The following RBFOX1 variants were observed in gnomAD, a reference collection of about 807,000 sequenced individuals.
RBFOX1 encodes the protein RNA binding fox-1 homolog 1.
In RBFOX1, 8 loss-of-function variants were observed where a neutral mutation model predicts 57.7. The observed-to-expected ratio is 0.14, with a 90% CI of 0.08 to 0.25. The LOEUF is 0.25. Ranked by LOEUF, RBFOX1 falls within the 10% of genes least tolerant of loss-of-function variation. The probability of loss-of-function intolerance (pLI) is 1.00; values close to 1 mark genes in which losing one functional copy is unlikely to be tolerated. For synonymous variants in RBFOX1, 326 were observed against 222.4 expected (o/e 1.47, Z -4.15); for missense variants, 611 against 548.5 (o/e 1.11, Z -1.14).
At chr16:5,576,229 C>T (rs768290791) in intron 2 of RBFOX1, among the ~76,000 whole-genome samples, 32 of 152,144 alleles carry the variant, frequency 2.1e-4, no homozygotes, top group Admixed American at 6.5e-5. Flanking sequence ...TCAAGTGATC[C>T]AGGCTGGAGT....
chr16:7,576,147 A>G (rs1200965208), intron 5 of RBFOX1, among the ~76,000 whole-genome samples: 5 of 151,002 alleles, frequency 3.3e-5, no homozygotes, highest in Non-Finnish European at 7.4e-5. Context: ...ACTATGTTGC[A>G]GGCTGGTGTC....
intron 3 of RBFOX1, among the ~76,000 whole-genome samples, chr16:5,794,138 C>CT (rs2054796559): frequency 6.6e-6 from 1 of 152,122 alleles, no homozygotes; most frequent in African/African-American, 2.4e-5. Context: ...TCTCTTGGGG[C>CT]TTTTTCTTTA....
intron 4 of RBFOX1, among the ~76,000 whole-genome samples, chr16:7,320,132 G>A (rs1206844621): frequency 1.3e-5 from 2 of 152,092 alleles, no homozygotes; most frequent in Admixed American, 6.6e-5. Context: ...TTATCACATA[G>A]GTAAACGTGT....
intron 3 of RBFOX1, among the ~76,000 whole-genome samples, chr16:6,933,899 C>T (rs149077301): frequency 1.1e-4 from 17 of 152,150 alleles, no homozygotes; most frequent in South Asian, 2.1e-4. Flanking sequence ...AGTTATTGAA[C>T]AACAAAATAC....
intron 1 of RBFOX1, among the ~76,000 whole-genome samples, chr16:5,271,891 C>A (rs1256246366): frequency 2.6e-5 from 4 of 152,174 alleles, no homozygotes; most frequent in Non-Finnish European, 4.4e-5. Context: ...AACACAGTGT[C>A]TTTCAAGTTC....
intron 4 of RBFOX1, among the ~76,000 whole-genome samples, chr16:5,939,463 G>A (rs1039360311): frequency 2.6e-5 from 4 of 152,158 alleles, no homozygotes; most frequent in Admixed American, 2.6e-4. Flanking sequence ...GTGGCTTTTG[G>A]CAAAATTCCT....
In RBFOX1 at chr16:5,879,168, G is replaced by T. The variant is rs548979589; in HGVS notation, c.351+11833G>T. Among the ~76,000 whole-genome samples the T allele has an allele frequency of 2.6e-5, 4 of 152,290 alleles. No individual in the cohort carries two copies. The East Asian group carries it at 5.8e-4, about 22-fold the overall frequency. On this transcript the variant is annotated intron_variant, in intron 4 of 19. Coordinates refer to the RBFOX1 transcript ENST00000641259. ...AGGGGAGAGAATGCTGTATGGAAAC[G>T]CCATGTGAGTGGTTTTAGCTAATGG...
intron 4 of RBFOX1, among the ~76,000 whole-genome samples, chr16:7,073,061 T>C (rs983979750): frequency 1.1e-4 from 17 of 152,006 alleles, no homozygotes; most frequent in Admixed American, 2.6e-4. Context: ...AGGGTAGAGG[T>C]AGTACAGGTT....
chr16:7,001,250 G>T (rs914887698), intron 3 of RBFOX1, among the ~76,000 whole-genome samples: 1 of 152,036 alleles, frequency 6.6e-6, no homozygotes, highest in Non-Finnish European at 1.5e-5. Flanking sequence ...TCTTTCTGCT[G>T]TCTCCTTGTT....
chr16:6,077,947 C>T (rs1047099981), intron 1 of RBFOX1, among the ~76,000 whole-genome samples: 1 of 151,988 alleles, frequency 6.6e-6, no homozygotes. Flanking sequence ...GCTGTTGCCC[C>T]CAGGAAATGA....
chr16:5,393,148 C>CTGT (rs1384131019), intron 1 of RBFOX1, among the ~76,000 whole-genome samples: 1 of 152,106 alleles, frequency 6.6e-6, no homozygotes, highest in African/African-American at 2.4e-5. Context: ...GACTCTTGTT[C>CTGT]TGTCCCTGCC....
intron 2 of RBFOX1, among the ~76,000 whole-genome samples, chr16:6,624,587 A>G (rs1463442825): frequency 1.3e-5 from 2 of 152,172 alleles, no homozygotes; most frequent in Admixed American, 1.3e-4. Flanking sequence ...TGATTTTTGT[A>G]AGACTGTACC....
At chr16:7,661,109 G>GA (rs1568336070) in intron 12 of RBFOX1, among the ~76,000 whole-genome samples, 1 of 152,166 alleles carries the variant, frequency 6.6e-6, no homozygotes, top group African/African-American at 2.4e-5. Context: ...CTATTAGGGA[G>GA]AAAAACAATG....
At chr16:5,324,348 A>C (rs928718524) in intron 1 of RBFOX1, among the ~76,000 whole-genome samples, 1 of 152,196 alleles carries the variant, frequency 6.6e-6, no homozygotes, top group Admixed American at 6.5e-5. Context: ...CTGTAATCCC[A>C]GCTACTCAGG....
Position 6,019,543 on chromosome 16 carries a change from CA to C in RBFOX1, c.-575del, listed in dbSNP as rs1177499392. 1.7e-5 allele frequency: 19 copies of C among 1,099,884 alleles called. No homozygotes were observed. The highest frequency in any genetic ancestry group is 2.0e-5 in the Non-Finnish European group (18 of 903,856). The allele number at this position is 1,099,884 out of a possible 1,614,324, so 68.1% of individuals were successfully genotyped here. A position where few individuals can be genotyped will look rare whatever the true frequency, so the allele number is the denominator to read the frequency against. On this transcript the variant is annotated 5_prime_UTR_variant, in exon 1 of 16. Coordinates refer to ENST00000550418, the MANE Select transcript of RBFOX1 (RefSeq NM_018723.4). The surrounding 1 kb of genome is among the most constrained non-coding windows in gnomAD (Gnocchi z 4.2). ...GGGGGCGCTCTGCCAGCCCCGGGAA[CA>C]GCAGAGGCGGCGGCACTGGCTGGAC...
At chr16:6,589,378 A>T (rs1483882525) in intron 2 of RBFOX1, among the ~76,000 whole-genome samples, 1 of 152,166 alleles carries the variant, frequency 6.6e-6, no homozygotes, top group Non-Finnish European at 1.5e-5. Context: ...AAAACCCAGG[A>T]ACTGGGGTTT....
At chr16:7,655,176 T>G (rs1251026228) in intron 12 of RBFOX1, among the ~76,000 whole-genome samples, 1 of 152,250 alleles carries the variant, frequency 6.6e-6, no homozygotes, top group East Asian at 1.9e-4. Context: ...ATATTCATTC[T>G]AAACCAGAGC....
At chr16:7,215,874 G>T (rs1040627321) in intron 4 of RBFOX1, among the ~76,000 whole-genome samples, 1 of 151,958 alleles carries the variant, frequency 6.6e-6, no homozygotes, top group African/African-American at 2.4e-5. Context: ...ACAGGCGTCT[G>T]CCACGGCACC....
intron 1 of RBFOX1, among the ~76,000 whole-genome samples, chr16:5,324,345 C>G (rs2064500027): frequency 6.6e-6 from 1 of 152,158 alleles, no homozygotes; most frequent in Non-Finnish European, 1.5e-5. Flanking sequence ...CGCCTGTAAT[C>G]CCAGCTACTC....
Sources: gnomAD v4.1 joint callset for allele counts (sites outside exome capture counted in the v4.1 genomes callset) on GRCh38, gnomAD v4.1.1 for gene constraint, Gnocchi (gnomAD v3.1) non-coding constraint, MANE v1.5 for transcripts, NCBI Gene and HGNC (gene_info 2026-07-23, HGNC 2026-07-21) for gene names.